The following IGF1R variants were observed in gnomAD, a reference collection of about 807,000 sequenced individuals.
The protein encoded by IGF1R is insulin like growth factor 1 receptor.
IGF1R carries 44 observed loss-of-function variants against 144.6 expected under a neutral mutation model. That is an observed-to-expected ratio of 0.30 (90% CI 0.24 to 0.39). The LOEUF is 0.39. Among genes scored for constraint, IGF1R ranks in the 10% least tolerant of loss-of-function variants. The pLI is 1.00. For synonymous variants in IGF1R, 795 were observed against 722.8 expected, an observed-to-expected ratio of 1.10 and a Z score of -1.60; for missense variants, 1,355 against 1,833.7, an observed-to-expected ratio of 0.74 and a Z score of 4.77.
At chr15:98,747,773 C>G (rs1053086740) in intron 2 of IGF1R, among the ~76,000 whole-genome samples, 3 of 152,062 alleles carry the variant, frequency 2.0e-5, no homozygotes, top group Non-Finnish European at 4.4e-5. Flanking sequence ...TTCTCAAGAG[C>G]TAGAGAGAGA....
At chr15:98,714,287 G>A (rs972885136) in intron 2 of IGF1R, among the ~76,000 whole-genome samples, 20 of 152,088 alleles carry the variant, frequency 1.3e-4, no homozygotes, top group Admixed American at 7.9e-4. Flanking sequence ...TCCTTCCCTC[G>A]TTTTCCTCTA....
At position 98,960,245 on chromosome 15, in the gene IGF1R, T is replaced by C; in HGVS notation, c.*2803T>C. 1.3e-5 allele frequency: 3 copies of C among 233,654 alleles called. No homozygotes were observed. Among genetic ancestry groups the C allele is most frequent in the Non-Finnish European group, 2.5e-5 (3 of 118,076 alleles). 14.5% of individuals were successfully genotyped at this position (233,654 alleles called of 1,614,324 possible). ...AAGCAACACTAACTCACCTCTCTGC[T>C]CATTTCAGACAGCTTGCCTTTTTCT... is the stretch of plus-strand genomic sequence containing the variant. On this transcript the variant is annotated 3_prime_UTR_variant, in exon 21 of 21. Transcript: ENST00000650285.
intron 3 of IGF1R, among the ~76,000 whole-genome samples, chr15:98,892,170 C>T (rs557234540): frequency 6.6e-6 from 1 of 152,178 alleles, no homozygotes; most frequent in African/African-American, 2.4e-5. Context: ...CTTCCTTCCT[C>T]TCATCCCCCT....
intron 1 of IGF1R, among the ~76,000 whole-genome samples, chr15:98,691,934 T>C (rs1052308634): frequency 6.6e-6 from 1 of 152,200 alleles, no homozygotes; most frequent in Non-Finnish European, 1.5e-5. Flanking sequence ...TGTACACATA[T>C]GCTCCTCCCA....
intron 2 of IGF1R, among the ~76,000 whole-genome samples, chr15:98,859,443 C>T (rs779414716): frequency 2.6e-5 from 4 of 152,200 alleles, no homozygotes; most frequent in Non-Finnish European, 4.4e-5. Context: ...TGCACTCAGA[C>T]ACTCTAGAAT....
chr15:98,813,530 C>T (rs1435213146), intron 2 of IGF1R, among the ~76,000 whole-genome samples: 1 of 152,186 alleles, frequency 6.6e-6, no homozygotes, highest in African/African-American at 2.4e-5. Context: ...TTCCCTCTGC[C>T]TCAGGACCAA....
At chr15:98,660,267 C>A (rs4966009) in intron 1 of IGF1R, 1 of 152,070 alleles carries the variant, frequency 6.6e-6, no homozygotes, top group African/African-American at 2.4e-5. Flanking sequence ...AACAATACTA[C>A]CAGCTTGCCC....
intron 2 of IGF1R, among the ~76,000 whole-genome samples, chr15:98,832,800 G>C (rs952420200): frequency 4.6e-5 from 7 of 152,142 alleles, no homozygotes; most frequent in African/African-American, 1.7e-4. Context: ...TTGATACAAG[G>C]TATGCCATGG....
chr15:98,654,210 G>C (rs545840045), intron 1 of IGF1R, among the ~76,000 whole-genome samples: 24 of 151,942 alleles, frequency 1.6e-4, no homozygotes, highest in Non-Finnish European at 3.2e-4. Context: ...GTTATATTGG[G>C]ATGTCACTGT....
chr15:98,712,730 C>T (rs1456456701), intron 2 of IGF1R, among the ~76,000 whole-genome samples: 2 of 151,718 alleles, frequency 1.3e-5, no homozygotes, highest in Admixed American at 1.3e-4. Context: ...CTGCCTCAGC[C>T]TCCTGAGTAG....
chr15:98,797,247 T>C (rs373372298), intron 2 of IGF1R, among the ~76,000 whole-genome samples: 14 of 152,348 alleles, frequency 9.2e-5, no homozygotes, highest in South Asian at 8.3e-4. Context: ...TCCAAAGCTT[T>C]GGGAGCTCAG....
intron 2 of IGF1R, among the ~76,000 whole-genome samples, chr15:98,716,178 G>A (rs559815478): frequency 5.3e-5 from 8 of 152,168 alleles, no homozygotes; most frequent in African/African-American, 1.7e-4. Context: ...CTTTGAACTC[G>A]GGGGGCTTGC....
At chr15:98,912,421 G>A (rs2015063350) in intron 7 of IGF1R, among the ~76,000 whole-genome samples, 1 of 152,174 alleles carries the variant, frequency 6.6e-6, no homozygotes, top group Non-Finnish European at 1.5e-5. Flanking sequence ...CAGCTGTCCA[G>A]CCCTTTTAGC....
intron 1 of IGF1R, among the ~76,000 whole-genome samples, chr15:98,662,988 GTC>G (rs2141180266): frequency 6.6e-6 from 1 of 152,314 alleles, no homozygotes; most frequent in East Asian, 1.9e-4. Flanking sequence ...GGCTGCTCTG[GTC>G]TCTCGATGGA....
At chr15:98,675,409 A>G (rs1228834021) in intron 1 of IGF1R, among the ~76,000 whole-genome samples, 1 of 152,214 alleles carries the variant, frequency 6.6e-6, no homozygotes, top group African/African-American at 2.4e-5. Context: ...AGGAATAAGA[A>G]TTGTGTAAGT....
chr15:98,660,808 A>G (rs1275542609), intron 1 of IGF1R: 1 of 152,196 alleles, frequency 6.6e-6, no homozygotes, highest in Admixed American at 6.5e-5. Context: ...AGTTCCCTAT[A>G]GATAAGATGT....
At chr15:98,868,627 A>G (rs1301925451) in intron 2 of IGF1R, among the ~76,000 whole-genome samples, 2 of 152,132 alleles carry the variant, frequency 1.3e-5, no homozygotes, top group South Asian at 2.1e-4. Context: ...CCCAGGTTGG[A>G]ATTCCAGCTC....
chr15:98,891,313 C>G lies in IGF1R; in HGVS notation c.641-12C>G, dbSNP rs373913363. Reference sequence around the variant, plus strand: ...GCCCGGTCTCATCTCCGTCTCTCCTCTCTCTCCACAGTGTGCCCAAGCACG... The same window carrying G: ...GCCCGGTCTCATCTCCGTCTCTCCTGTCTCTCCACAGTGTGCCCAAGCACG... On this transcript the variant is annotated splice_polypyrimidine_tract_variant and intron_variant, in intron 2 of 20. Coordinates refer to ENST00000650285, the MANE Select transcript of IGF1R (RefSeq NM_000875.5). The surrounding 1 kb of genome is among the most constrained non-coding windows in gnomAD (Gnocchi z 4.7). 6.2e-7 allele frequency: 1 copy of G among 1,604,428 alleles called. No homozygotes were observed. Among genetic ancestry groups the G allele is most frequent in the Middle Eastern group, 1.7e-4 (1 of 5,894 alleles).
In IGF1R at chr15:98,649,520, CTTTTCTTTTTTTTT is replaced by C. The variant is rs879050259; in HGVS notation, c.-57_-44del. On this transcript the variant is annotated 5_prime_UTR_variant, in exon 1 of 21. Coordinates refer to ENST00000650285, the MANE Select transcript of IGF1R (RefSeq NM_000875.5). ...TCCTTTCATTTCCTTTTTTTCTTTTCTTTTCTTTTTTTTTTTTTTTTTTTTTTTTGAGAAAGGGG... is the reference window on the plus strand; with the variant it reads ...TCCTTTCATTTCCTTTTTTTCTTTTCTTTTTTTTTTTTTTTGAGAAAGGGG... 915 of 857,688 alleles carry C rather than the reference CTTTTCTTTTTTTTT, an allele frequency of 1.1e-3. 3 individuals are homozygous for C. In the South Asian group the frequency reaches 0.012, roughly 11 times the overall value. The allele number at this position is 857,688 out of a possible 1,614,324, so 53.1% of individuals were successfully genotyped here.
Sources: gnomAD v4.1 joint callset for allele counts (sites outside exome capture counted in the v4.1 genomes callset) on GRCh38, gnomAD v4.1.1 for gene constraint, Gnocchi (gnomAD v3.1) non-coding constraint, MANE v1.5 for transcripts, NCBI Gene and HGNC (gene_info 2026-07-23, HGNC 2026-07-21) for gene names.